Variants in MACROD2 observed in about 807,000 individuals in gnomAD.
The protein encoded by MACROD2 is ADP-ribose glycohydrolase MACROD2.
MACROD2 carries 36 observed loss-of-function variants against 70.4 expected under a neutral mutation model. The ratio of observed to expected loss-of-function variants is 0.51; its 90% CI spans 0.39 to 0.68. The LOEUF (loss-of-function observed/expected upper bound fraction) is 0.68. MACROD2 is among the 30% of genes least tolerant of loss of function. MACROD2 has a pLI of 0.00. For missense variants in MACROD2, 496 were observed against 538.4 expected (o/e 0.92, Z 0.78); for synonymous variants, 172 against 178.8 (o/e 0.96, Z 0.30).
intron 3 of MACROD2, among the ~76,000 whole-genome samples, chr20:14,087,012 A>G (rs193042847): frequency 2.6e-5 from 4 of 152,296 alleles, no homozygotes; most frequent in African/African-American, 9.6e-5. Flanking sequence ...CTAATGGAGA[A>G]CTGAAACATT....
chr20:15,506,092 G>A (rs879730515), intron 8 of MACROD2, among the ~76,000 whole-genome samples: 13 of 152,118 alleles, frequency 8.5e-5, no homozygotes, highest in Non-Finnish European at 1.8e-4. Context: ...TGTCCAGCTC[G>A]GCAAGTTGAT....
intron 5 of MACROD2, among the ~76,000 whole-genome samples, chr20:14,796,707 A>G (rs143611279): frequency 7.5e-4 from 114 of 152,176 alleles, no homozygotes; most frequent in African/African-American, 2.6e-3. Flanking sequence ...ATTCTCACAT[A>G]CATAACTTTG....
chr20:15,958,105 C>T (rs564503894), intron 12 of MACROD2, among the ~76,000 whole-genome samples: 13 of 152,188 alleles, frequency 8.5e-5, no homozygotes, highest in Non-Finnish European at 1.9e-4. Context: ...CAGAGACTTA[C>T]AGTTAATGAA....
At chr20:14,389,753 C>G (rs566807016) in intron 3 of MACROD2, among the ~76,000 whole-genome samples, 3 of 152,228 alleles carry the variant, frequency 2.0e-5, no homozygotes, top group African/African-American at 7.2e-5. Flanking sequence ...AAGCATACTT[C>G]AAAATAATAA....
chr20:14,915,754 A>T (rs925202515), intron 5 of MACROD2, among the ~76,000 whole-genome samples: 1 of 152,198 alleles, frequency 6.6e-6, no homozygotes, highest in African/African-American at 2.4e-5. Flanking sequence ...TAAAAGTTTC[A>T]TGTCCACAGC....
intron 6 of MACROD2, among the ~76,000 whole-genome samples, chr20:15,290,146 T>C (rs1355373369): frequency 6.6e-6 from 1 of 152,204 alleles, no homozygotes; most frequent in Non-Finnish European, 1.5e-5. Context: ...AAACATAAAA[T>C]GAGGGTAAGG....
At position 14,305,780 on chromosome 20, in the gene MACROD2, A is replaced by G. The variant is rs756933218; in HGVS notation, c.272-187699A>G. Among the ~76,000 whole-genome samples, 5 of 152,238 alleles carry G rather than the reference A, an allele frequency of 3.3e-5. No individual in the cohort carries two copies. The South Asian group carries it at 8.3e-4, about 25-fold the overall frequency. Reference sequence around the variant, plus strand: ...GACCAAGCTTATAAAGTGCCCATGTATCTTTTTTCGTATCTCAGAAAATTG... The same window carrying G: ...GACCAAGCTTATAAAGTGCCCATGTGTCTTTTTTCGTATCTCAGAAAATTG... On this transcript the variant is annotated intron_variant, in intron 3 of 17. Transcript: ENST00000684519.
chr20:14,646,475 T>C (rs1019561258), intron 4 of MACROD2, among the ~76,000 whole-genome samples: 2 of 152,126 alleles, frequency 1.3e-5, no homozygotes, highest in Non-Finnish European at 2.9e-5. Flanking sequence ...TTATCTGTTA[T>C]AGTATTATAT....
At chr20:14,025,997 C>CT (rs1328748307) in intron 2 of MACROD2, among the ~76,000 whole-genome samples, 2 of 152,156 alleles carry the variant, frequency 1.3e-5, no homozygotes, top group Non-Finnish European at 2.9e-5. Flanking sequence ...TTATAGGTCT[C>CT]TAAGAACTTG....
intron 12 of MACROD2, among the ~76,000 whole-genome samples, chr20:15,954,088 G>A (rs570636852): frequency 1.3e-5 from 2 of 152,184 alleles, no homozygotes; most frequent in African/African-American, 4.8e-5. Context: ...ATAAGTCAAA[G>A]TTCAGGGTCA....
At chr20:14,424,980 G>C (rs2083917576) in intron 3 of MACROD2, among the ~76,000 whole-genome samples, 1 of 152,170 alleles carries the variant, frequency 6.6e-6, no homozygotes. Flanking sequence ...TTGCAGTCTA[G>C]ACATTTAATT....
chr20:15,044,874 C>A (rs1434710579), intron 5 of MACROD2, among the ~76,000 whole-genome samples: 1 of 152,082 alleles, frequency 6.6e-6, no homozygotes, highest in Admixed American at 6.5e-5. Context: ...ACGTTATGTG[C>A]AGTTGTTTAT....
intron 3 of MACROD2, among the ~76,000 whole-genome samples, chr20:14,468,438 CTT>C (rs35239187): frequency 3.7e-4 from 41 of 110,072 alleles, no homozygotes; most frequent in Admixed American, 5.2e-4. Context: ...GCAACCCCTG[CTT>C]TTTTTTTTTT....
At chr20:14,335,305 A>G (rs1300806720) in intron 3 of MACROD2, among the ~76,000 whole-genome samples, 2 of 152,172 alleles carry the variant, frequency 1.3e-5, no homozygotes, top group African/African-American at 4.8e-5. Flanking sequence ...TTGATTGGGC[A>G]ATATAGTCTA....
chr20:14,278,667 C>T (rs2082279181), intron 3 of MACROD2, among the ~76,000 whole-genome samples: 1 of 152,082 alleles, frequency 6.6e-6, no homozygotes, highest in Non-Finnish European at 1.5e-5. Flanking sequence ...ATGGAATTTA[C>T]TTCACATTAA....
intron 15 of MACROD2, among the ~76,000 whole-genome samples, chr20:16,006,997 A>G (rs2066798263): frequency 1.3e-5 from 2 of 152,186 alleles, no homozygotes; most frequent in South Asian, 4.1e-4. Flanking sequence ...AGGACACTAC[A>G]ATCACAACTT....
rs78978561 is a variant in MACROD2, at chr20:15,084,690, T to C, written c.419-145250T>C. Among the ~76,000 whole-genome samples, 467 of 152,332 alleles carry C rather than the reference T, an allele frequency of 3.1e-3. 4 individuals carry two copies. The highest frequency in any genetic ancestry group is 9.7e-3 in the African/African-American group (404 of 41,580). On this transcript the variant is annotated intron_variant, in intron 5 of 17. Transcript: ENST00000684519. ...TTACTGTATTATGAATAATTTTAGA[T>C]GTGGAAAAAAGTTATTTTTTTCTTT...
At chr20:14,557,033 T>C (rs1679488514) in intron 4 of MACROD2, among the ~76,000 whole-genome samples, 1 of 151,914 alleles carries the variant, frequency 6.6e-6, no homozygotes, top group Admixed American at 6.6e-5. Flanking sequence ...AACAGATAGA[T>C]TGATGGAATA....
At chr20:15,594,489 A>G (rs2048721638) in intron 8 of MACROD2, among the ~76,000 whole-genome samples, 1 of 152,184 alleles carries the variant, frequency 6.6e-6, no homozygotes, top group South Asian at 2.1e-4. Flanking sequence ...GCTGCCCTCC[A>G]GAAAGGCTGC....
Sources: gnomAD v4.1 joint callset for allele counts (sites outside exome capture counted in the v4.1 genomes callset) on GRCh38, gnomAD v4.1.1 for gene constraint, MANE v1.5 for transcripts, NCBI Gene and HGNC (gene_info 2026-07-23, HGNC 2026-07-21) for gene names.